The following ABCA13 variants were observed in gnomAD, a reference collection of about 807,000 sequenced individuals.
ABCA13 encodes the protein ATP binding cassette subfamily A member 13.
A neutral mutation model predicts 478.7 loss-of-function variants in ABCA13; 476 were observed. The ratio of observed to expected loss-of-function variants is 0.99; its 90% confidence interval spans 0.92 to 1.07. The LOEUF is 1.07. Ranked by LOEUF, ABCA13 falls within the 50% of genes least tolerant of loss-of-function variation. The probability of loss-of-function intolerance (pLI) is 0.00; values close to 1 mark genes in which losing one functional copy is unlikely to be tolerated. For synonymous variants in ABCA13, 2,252 were observed against 2,158.9 expected, an observed-to-expected ratio of 1.04 and a Z score of -1.20; for missense variants, 6,060 against 5,910.6, an observed-to-expected ratio of 1.03 and a Z score of -0.83.
chr7:48,171,515 T>C lies in ABCA13; in HGVS notation c.32T>C (p.Leu11Pro). 1 of 1,536,340 alleles carries C rather than the reference T, an allele frequency of 6.5e-7. No homozygotes were observed. The highest frequency in any genetic ancestry group is 8.7e-7 in the Non-Finnish European group (1 of 1,146,902). The change falls in exon 1 of 62, where the codon CTG (leucine) becomes CCG (proline). Residue 11 changes from leucine (L) to proline (P), a missense_variant. Around this residue, in one of 3 missense-constraint regions of ABCA13, gnomAD observed 4,423 missense variants for 4,309.1 expected, o/e 1.03. Transcript: ENST00000435803. ...CATGCCGGGTGCCAGTTCAAAGCCC[T>C]GCTGTGGAAGAATTGGCTCTGCAGA... is the stretch of plus-strand genomic sequence containing the variant. Reference protein sequence around the residue: MGHAGCQFKALLWKNWLCRLR... With the variant: MGHAGCQFKAPLWKNWLCRLR...
At chr7:48,562,280 A>G (rs1786548737) in intron 55 of ABCA13, among the ~76,000 whole-genome samples, 2 of 150,462 alleles carry the variant, frequency 1.3e-5, no homozygotes, top group African/African-American at 4.9e-5. Flanking sequence ...TTATTATTAT[A>G]CTGCTTTTTT....
At position 48,506,347 on chromosome 7, in the gene ABCA13, T is replaced by C. The variant is rs1527838; in HGVS notation, c.13303T>C (p.Tyr4435His). The C allele has an allele frequency of 5.6e-6, 9 of 1,613,818 alleles. No individual in the cohort carries two copies. Among genetic ancestry groups the C allele is most frequent in the Non-Finnish European group, 6.8e-6 (8 of 1,179,762 alleles). Residue 4435 changes from tyrosine (Y) to histidine (H), a missense_variant, in exon 49 of 62, where the codon TAC becomes CAC. Tyr to His is a moderately conservative substitution (Grantham distance 83). Around this residue, in one of 3 missense-constraint regions of ABCA13, gnomAD observed 1,627 missense variants for 1,571.0 expected, o/e 1.04. Coordinates refer to ENST00000435803, the MANE Select transcript of ABCA13 (RefSeq NM_152701.5). Reference protein sequence around the residue: ...VDWRQYGITLYSHPYGGALLN... With the variant: ...VDWRQYGITLHSHPYGGALLN... ...TTTGTCTTTCACAGGAATAACACTC[T>C]ACAGCCACCCATATGGAGGGGCCTT...
intron 51 of ABCA13, among the ~76,000 whole-genome samples, chr7:48,513,071 G>A (rs1009222354): frequency 1.3e-5 from 2 of 152,190 alleles, no homozygotes; most frequent in Non-Finnish European, 2.9e-5. Flanking sequence ...GTAACAGGAG[G>A]GGCAGTGAGA....
intron 59 of ABCA13, among the ~76,000 whole-genome samples, chr7:48,622,844 TA>T (rs1170235896): frequency 2.0e-5 from 3 of 152,210 alleles, no homozygotes; most frequent in African/African-American, 7.2e-5. Context: ...CTTATAGGCA[TA>T]AAAAAGTAGT....
chr7:48,251,728 G>A (rs1792596928), intron 15 of ABCA13, among the ~76,000 whole-genome samples: 1 of 151,246 alleles, frequency 6.6e-6, no homozygotes, highest in Non-Finnish European at 1.5e-5. Flanking sequence ...AGTAAATTTA[G>A]TGTGATTGTT....
chr7:48,633,198 G>C (rs1794300858), intron 59 of ABCA13, among the ~76,000 whole-genome samples: 1 of 152,080 alleles, frequency 6.6e-6, no homozygotes, highest in South Asian at 2.1e-4. Context: ...GATAGCTGTA[G>C]ATATATATCT....
intron 3 of ABCA13, among the ~76,000 whole-genome samples, chr7:48,211,584 A>G (rs1785659590): frequency 1.3e-5 from 2 of 152,014 alleles, no homozygotes; most frequent in Non-Finnish European, 1.5e-5. Context: ...CTTCCTGATG[A>G]GTACAGTACT....
At chr7:48,243,523 G>A (rs111313093) in intron 10 of ABCA13, among the ~76,000 whole-genome samples, 1 of 152,204 alleles carries the variant, frequency 6.6e-6, no homozygotes, top group Non-Finnish European at 1.5e-5. Flanking sequence ...CAATTGCTCC[G>A]CCTTGTAGGG....
chr7:48,434,781 G>A (rs1822607341), intron 42 of ABCA13, among the ~76,000 whole-genome samples: 1 of 151,828 alleles, frequency 6.6e-6, no homozygotes, highest in Non-Finnish European at 1.5e-5. Flanking sequence ...TCACTGAATG[G>A]TTTTGGCTCA....
chr7:48,564,383 T>G (rs1364456744), intron 55 of ABCA13, among the ~76,000 whole-genome samples: 1 of 152,058 alleles, frequency 6.6e-6, no homozygotes, highest in East Asian at 1.9e-4. Context: ...ATCAACAGCT[T>G]ATTAACAAAA....
chr7:48,239,634 C>A (rs1790512802), intron 9 of ABCA13, among the ~76,000 whole-genome samples: 1 of 152,218 alleles, frequency 6.6e-6, no homozygotes, highest in Admixed American at 6.5e-5. Context: ...ACAGTCTATC[C>A]TAGGCTTGCA....
chr7:48,288,155 C>G lies in ABCA13; in HGVS notation c.8955+77C>G, dbSNP rs1798023600. ...TTGCAAGGCAGTCCAGTTATTCAAA[C>G]TTGCTGCTTCGTTCTTATAACTACA... On this transcript the variant is annotated intron_variant, in intron 20 of 61. Transcript: ENST00000435803. 3.4e-5 allele frequency: 44 copies of G among 1,313,132 alleles called. No homozygotes were observed. The South Asian group carries it at 5.3e-4, about 16-fold the overall frequency. The allele number at this position is 1,313,132 out of a possible 1,614,324, so 81.3% of individuals were successfully genotyped here.
chr7:48,264,715 G>T (rs1794648764), intron 15 of ABCA13, among the ~76,000 whole-genome samples: 1 of 150,356 alleles, frequency 6.7e-6, no homozygotes, highest in Admixed American at 6.6e-5. Context: ...TTTCCTCCTG[G>T]CCTCTGGACT....
intron 13 of ABCA13, among the ~76,000 whole-genome samples, chr7:48,248,002 G>A (rs1225529476): frequency 6.6e-6 from 1 of 152,168 alleles, no homozygotes; most frequent in African/African-American, 2.4e-5. Flanking sequence ...ATGACACTGA[G>A]TCCCATCCTA....
intron 58 of ABCA13, among the ~76,000 whole-genome samples, chr7:48,595,985 C>G (rs1328511035): frequency 6.6e-6 from 1 of 152,162 alleles, no homozygotes; most frequent in East Asian, 1.9e-4. Context: ...AAAGCTAGCC[C>G]TATCATTTGA....
chr7:48,281,850 CTTCT>C (rs758844279), intron 19 of ABCA13, among the ~76,000 whole-genome samples: 9 of 152,180 alleles, frequency 5.9e-5, no homozygotes, highest in Non-Finnish European at 1.2e-4. Context: ...ATCGTACTTT[CTTCT>C]TTCTTACATT....
chr7:48,317,886 A>G (rs1475410623), intron 27 of ABCA13, among the ~76,000 whole-genome samples: 5 of 152,106 alleles, frequency 3.3e-5, no homozygotes, highest in Admixed American at 2.0e-4. Context: ...TAATCTATTT[A>G]CTGCAGGATT....
At chr7:48,506,313 A>C (rs761140952) in intron 48 of ABCA13, 23 bp from the exon 49 acceptor site, 109 of 1,613,090 alleles carry the variant, frequency 6.8e-5, no homozygotes, top group Middle Eastern at 1.6e-4. Flanking sequence ...CTGAAGGCTC[A>C]CTTTTCAATT....
Position 48,279,806 on chromosome 7 carries a change from A to C in ABCA13, c.8612A>C (p.Lys2871Thr), listed in dbSNP as rs113190350. Residue 2871 changes from lysine to threonine, a missense_variant, in exon 18 of 62, where the codon AAA becomes ACA. This residue lies in a region of ABCA13 where 4,423 missense variants were observed against 4,309.1 expected (regional missense o/e 1.03). Coordinates refer to ENST00000435803, the MANE Select transcript of ABCA13 (RefSeq NM_152701.5). The part of the protein sequence containing the change: ...VTSEKEERTK[K>T]EMIDFPYSFK... ...TCAGAAAAAGAAGAGAGAACCAAGA[A>C]AGAGATGATTGACTTTCCTTATAGT... 14,698 of 1,600,708 alleles carry C rather than the reference A, an allele frequency of 9.2e-3. 126 individuals are homozygous for C. The highest frequency in any genetic ancestry group is 0.057 in the Middle Eastern group (339 of 5,966).
Sources: allele counts gnomAD v4.1 joint callset (sites outside exome capture counted in the v4.1 genomes callset), GRCh38; gene constraint gnomAD v4.1.1; regional missense constraint gnomAD v4.1.1; transcripts MANE v1.5; gene names NCBI Gene and HGNC (gene_info 2026-07-23, HGNC 2026-07-21).